The following R3HDM2 variants were observed in gnomAD, a reference collection of about 807,000 sequenced individuals.
R3HDM2 encodes the protein R3H domain containing 2, also known as R3H domain-containing protein 2.
R3HDM2 carries 38 observed loss-of-function variants against 124.5 expected under a neutral mutation model. That is an observed-to-expected ratio of 0.31 (90% CI 0.24 to 0.40). R3HDM2 has a LOEUF of 0.40. Ranked by LOEUF, R3HDM2 falls within the 10% of genes least tolerant of loss-of-function variation. R3HDM2 has a pLI of 1.00. For missense variants in R3HDM2, 869 were observed against 1,236.9 expected, an observed-to-expected ratio of 0.70 and a Z score of 4.46; for synonymous variants, 391 against 448.0, an observed-to-expected ratio of 0.87 and a Z score of 1.61.
rs769754732 is a variant in R3HDM2 at position 57,296,570 on chromosome 12, A to G, written c.561-19T>C. 2.5e-5 allele frequency: 38 copies of G among 1,542,200 alleles called. 1 individual carries two copies. The highest frequency in any genetic ancestry group is 1.7e-4 in the South Asian group (14 of 83,008). On this transcript the variant is annotated intron_variant, in intron 8 of 23. Coordinates refer to ENST00000402412, the MANE Select transcript of R3HDM2 (RefSeq NM_001394031.1). This position sits in a 1 kb window ranked among gnomAD's most constrained non-coding sequence, Gnocchi z 4.5. ...CTGATTACTGAAGGGAAACCCGGGG[A>G]AAAAAAGTGAAATAAGACAAACAAC...
chr12:57,375,169 C>T (rs1452052607), intron 2 of R3HDM2, among the ~76,000 whole-genome samples: 3 of 151,726 alleles, frequency 2.0e-5, no homozygotes, highest in Admixed American at 1.3e-4. Context: ...TCAAAATATA[C>T]ACCTCTCAAA....
At chr12:57,421,450 CTTTTTTTTT>C (rs71084752) in intron 1 of R3HDM2, among the ~76,000 whole-genome samples, 2 of 111,078 alleles carry the variant, frequency 1.8e-5, no homozygotes, top group Non-Finnish European at 3.6e-5. Context: ...ACACCCAGCT[CTTTTTTTTT>C]TTTTTTTTTT....
chr12:57,405,983 G>C (rs1425499937), intron 1 of R3HDM2, among the ~76,000 whole-genome samples: 1 of 152,014 alleles, frequency 6.6e-6, no homozygotes, highest in African/African-American at 2.4e-5. Flanking sequence ...AACTTGAAGA[G>C]GTTCCCATTT....
At chr12:57,344,380 G>A (rs1042030971) in intron 2 of R3HDM2, among the ~76,000 whole-genome samples, 1 of 152,080 alleles carries the variant, frequency 6.6e-6, no homozygotes, top group Non-Finnish European at 1.5e-5. Flanking sequence ...ATTCACCACA[G>A]GATTTAAAGA....
Position 57,267,005 on chromosome 12 carries a change from A to G in R3HDM2, c.2031-174T>C, listed in dbSNP as rs552784066. ...ATCACTCATCAGTTCAAAGTTAATTATATGTATTTGTACTTGATCATCTTT... is the reference window on the plus strand; with the variant it reads ...ATCACTCATCAGTTCAAAGTTAATTGTATGTATTTGTACTTGATCATCTTT... On this transcript the variant is annotated intron_variant, in intron 18 of 23. Transcript: ENST00000402412. 4 of 536,576 alleles carry G rather than the reference A, an allele frequency of 7.5e-6. No individual in the cohort carries two copies. The East Asian group carries it at 9.6e-5, about 13-fold the overall frequency. 33.2% of individuals were successfully genotyped at this position (536,576 alleles called of 1,614,324 possible).
At chr12:57,269,267 T>C in intron 16 of R3HDM2, 56 bp downstream of exon 16, 2 of 1,600,538 alleles carry the variant, frequency 1.2e-6, no homozygotes, top group East Asian at 4.5e-5. Context: ...ACTTCTTTCT[T>C]TCCTGGTGTG....
chr12:57,332,701 G>A (rs2058364644), intron 2 of R3HDM2, among the ~76,000 whole-genome samples: 1 of 152,162 alleles, frequency 6.6e-6, no homozygotes, highest in African/African-American at 2.4e-5. Context: ...CTCCTGCTTT[G>A]TGCTTATCCA....
At chr12:57,305,325 A>G (rs1458892650) in intron 3 of R3HDM2, among the ~76,000 whole-genome samples, 1 of 152,196 alleles carries the variant, frequency 6.6e-6, no homozygotes, top group East Asian at 1.9e-4. Flanking sequence ...TAGCTATACC[A>G]TAACTTATTT....
At chr12:57,343,779 A>C (rs939868772) in intron 2 of R3HDM2, among the ~76,000 whole-genome samples, 5 of 151,804 alleles carry the variant, frequency 3.3e-5, no homozygotes, top group South Asian at 4.1e-4. Context: ...AAAAAAAAAA[A>C]AAAAAAACAG....
At chr12:57,347,704 G>C (rs1350471578) in intron 2 of R3HDM2, among the ~76,000 whole-genome samples, 1 of 152,156 alleles carries the variant, frequency 6.6e-6, no homozygotes, top group Non-Finnish European at 1.5e-5. Flanking sequence ...CTAGTCTGTG[G>C]TATTTTGCAA....
At chr12:57,258,738 T>G (rs1208427056) in intron 20 of R3HDM2, 152 bp downstream of exon 20, 8 of 676,760 alleles carry the variant, frequency 1.2e-5, no homozygotes, top group Non-Finnish European at 1.8e-5. Context: ...TTAGGTTCCT[T>G]AAAAGAGGAT....
chr12:57,380,304 T>G (rs1014880459), intron 2 of R3HDM2, among the ~76,000 whole-genome samples: 2 of 152,180 alleles, frequency 1.3e-5, no homozygotes, highest in African/African-American at 4.8e-5. Context: ...AAAGTTCATT[T>G]CCCAACTAAA....
intron 2 of R3HDM2, among the ~76,000 whole-genome samples, chr12:57,363,073 T>C (rs1472276916): frequency 6.6e-6 from 1 of 152,252 alleles, no homozygotes; most frequent in Admixed American, 6.5e-5. Context: ...TCCGCCCACC[T>C]TGGCCTCCCA....
Position 57,254,501 on chromosome 12 carries a change from C to CA in R3HDM2, c.*271dup, listed in dbSNP as rs67514723. 0.041 allele frequency: 4,119 copies of CA among 101,384 alleles called. 34 individuals carry two copies. Among genetic ancestry groups the CA allele is most frequent in the Middle Eastern group, 0.051 (12 of 234 alleles). 6.3% of individuals were successfully genotyped at this position (101,384 alleles called of 1,614,324 possible). On this transcript the variant is annotated 3_prime_UTR_variant, in exon 24 of 24. Coordinates refer to ENST00000402412, the MANE Select transcript of R3HDM2 (RefSeq NM_001394031.1). ...GGGTGACAAGAGCGAAACTCCGTCT[C>CA]AAAAAAAAAAAAAAAAAAAAAAAGA...
intron 1 of R3HDM2, among the ~76,000 whole-genome samples, chr12:57,409,795 T>G (rs1009431240): frequency 1.3e-5 from 2 of 152,060 alleles, no homozygotes; most frequent in African/African-American, 4.8e-5. Context: ...ATTTACCCCA[T>G]AACCCCCTTC....
chr12:57,366,566 C>T (rs569464397), intron 2 of R3HDM2, among the ~76,000 whole-genome samples: 171 of 152,248 alleles, frequency 1.1e-3, no homozygotes, highest in East Asian at 4.4e-3. Context: ...GTCCTCATTA[C>T]GGACTGTGTT....
At chr12:57,310,560 C>T (rs2053689427) in intron 2 of R3HDM2, 97 bp from the exon 3 acceptor site, 1 of 591,718 alleles carries the variant, frequency 1.7e-6, no homozygotes, top group Non-Finnish European at 2.5e-6. Flanking sequence ...TTTCCAGCAG[C>T]CTTCCTTTAA....
At chr12:57,275,379 T>C (rs1161801046) in intron 14 of R3HDM2, among the ~76,000 whole-genome samples, 1 of 151,914 alleles carries the variant, frequency 6.6e-6, no homozygotes, top group Non-Finnish European at 1.5e-5. Context: ...AGATAATATA[T>C]TGGAAAAACC....
intron 21 of R3HDM2, 117 bp downstream of exon 21, chr12:57,257,873 C>A (rs2039521997): frequency 1.2e-5 from 14 of 1,158,878 alleles, no homozygotes; most frequent in Non-Finnish European, 1.6e-5. Context: ...AGTTAACTCC[C>A]AGAATTGGAT....
Sources: allele counts gnomAD v4.1 joint callset (sites outside exome capture counted in the v4.1 genomes callset), GRCh38; gene constraint gnomAD v4.1.1; non-coding constraint Gnocchi (gnomAD v3.1); transcripts MANE v1.5; gene names NCBI Gene and HGNC (gene_info 2026-07-23, HGNC 2026-07-21).